The following ARHGAP5 variants were observed in gnomAD, a reference collection of about 807,000 sequenced individuals.
ARHGAP5 encodes the protein rho GTPase-activating protein 5.
In ARHGAP5, 23 loss-of-function variants were observed where a neutral mutation model predicts 116.6. The ratio of observed to expected loss-of-function variants is 0.20; its 90% confidence interval spans 0.14 to 0.28. ARHGAP5 has a LOEUF of 0.28. ARHGAP5 is among the 10% of genes least tolerant of loss of function. The pLI is 1.00. For missense variants in ARHGAP5, 1,405 were observed against 1,774.8 expected (o/e 0.79, Z 3.74); for synonymous variants, 574 against 602.0 (o/e 0.95, Z 0.68).
chr14:32,140,708 T>G lies in ARHGAP5; in HGVS notation c.3866-5555T>G, dbSNP rs147167291. 3.0e-4 allele frequency among the ~76,000 whole-genome samples: 45 copies of G among 152,376 alleles called. No homozygotes were observed. In the East Asian group the frequency reaches 7.7e-3, roughly 26 times the overall value. On this transcript the variant is annotated intron_variant, in intron 3 of 6. Coordinates refer to ENST00000345122, the MANE Select transcript of ARHGAP5 (RefSeq NM_001030055.2). ...ACATACTCTCTATTATTTCATGCCT[T>G]TAAAATTTATTTAAACTTGTTTTGT...
intron 3 of ARHGAP5, among the ~76,000 whole-genome samples, chr14:32,144,061 C>T (rs1480499911): frequency 2.0e-5 from 3 of 152,156 alleles, no homozygotes; most frequent in Non-Finnish European, 2.9e-5. Context: ...TGGAAAGTTC[C>T]TGCTATGACT....
Position 32,117,382 on chromosome 14 carries a change from T to C in ARHGAP5, c.3865+95T>C, listed in dbSNP as rs187053004. On this transcript the variant is annotated intron_variant, in intron 3 of 6. Coordinates refer to ENST00000345122, the MANE Select transcript of ARHGAP5 (RefSeq NM_001030055.2). ...AATGTTTGTGATTTGTTAATATAGTTCTCATTATTAGGATTATTTAGTATT... is the reference window on the plus strand; with the variant it reads ...AATGTTTGTGATTTGTTAATATAGTCCTCATTATTAGGATTATTTAGTATT... 256 of 1,170,790 alleles carry C rather than the reference T, an allele frequency of 2.2e-4. No homozygotes were observed. In the African/African-American group the frequency reaches 2.9e-3, roughly 13 times the overall value. 72.5% of individuals were successfully genotyped at this position (1,170,790 alleles called of 1,614,324 possible). A position where few individuals can be genotyped will look rare whatever the true frequency, so the allele number is the denominator to read the frequency against.
At chr14:32,137,690 G>A (rs532564779) in intron 3 of ARHGAP5, among the ~76,000 whole-genome samples, 13 of 151,958 alleles carry the variant, frequency 8.6e-5, no homozygotes, top group Non-Finnish European at 1.3e-4. Context: ...TTAGCCTTCC[G>A]GGCCAGGTGG....
At chr14:32,135,474 GCA>G (rs1190855382) in intron 3 of ARHGAP5, among the ~76,000 whole-genome samples, 3 of 152,208 alleles carry the variant, frequency 2.0e-5, no homozygotes, top group Non-Finnish European at 4.4e-5. Flanking sequence ...CCAGGCAAGA[GCA>G]CAGTGGCGTG....
intron 3 of ARHGAP5, among the ~76,000 whole-genome samples, chr14:32,130,977 A>G (rs1187601447): frequency 6.6e-6 from 1 of 152,170 alleles, no homozygotes; most frequent in Non-Finnish European, 1.5e-5. Flanking sequence ...GGCTGGTGGG[A>G]GGTGCTGAAC....
Position 32,092,273 on chromosome 14 carries a change from C to T in ARHGAP5, c.1604C>T (p.Ala535Val), listed in dbSNP as rs1878293789. The T allele has an allele frequency of 6.2e-7, 1 of 1,613,444 alleles. No individual in the cohort carries two copies. The highest frequency in any genetic ancestry group is 8.5e-7 in the Non-Finnish European group (1 of 1,179,742). Residue 535 changes from alanine to valine, a missense_variant, in exon 2 of 7, where the codon GCA becomes GTA. Ala to Val is a moderately conservative substitution (Grantham distance 64). Coordinates refer to ENST00000345122, the MANE Select transcript of ARHGAP5 (RefSeq NM_001030055.2). This position sits in a 1 kb window ranked among gnomAD's most constrained non-coding sequence, Gnocchi z 4.1. ...AGATATAAAGCTTTACAGAAACTTG[C>T]ACCTGATAGGGAATCCCTTCTACTT... is the stretch of plus-strand genomic sequence containing the variant. ...EPRYKALQKL[A>V]PDRESLLLKH... is the part of the protein sequence containing the mutation.
Position 32,092,861 on chromosome 14 carries a change from A to G in ARHGAP5, c.2192A>G (p.Asp731Gly), listed in dbSNP as rs1234037539. 6.2e-6 allele frequency: 10 copies of G among 1,613,950 alleles called. No individual in the cohort carries two copies. The highest frequency in any genetic ancestry group is 8.5e-6 in the Non-Finnish European group (10 of 1,179,950). ...AACAAGTTGCAATGTCCTTTTGTAG[A>G]TGTACCTGCTGGTACATATCCTCGT... The part of the protein sequence containing the change: ...LANKLQCPFV[D>G]VPAGTYPRKF... Residue 731 changes from aspartate (D) to glycine (G), a missense_variant, in exon 2 of 7, where the codon GAT becomes GGT. By Grantham distance (94) the Asp-to-Gly change is moderately conservative. Around this residue, in one of 6 missense-constraint regions of ARHGAP5, gnomAD observed 944 missense variants for 1,095.3 expected, o/e 0.86. Transcript: ENST00000345122. The surrounding 1 kb of genome is among the most constrained non-coding windows in gnomAD (Gnocchi z 4.1).
chr14:32,118,253 C>T (rs1003205996), intron 3 of ARHGAP5, among the ~76,000 whole-genome samples: 2 of 152,130 alleles, frequency 1.3e-5, no homozygotes, highest in African/African-American at 2.4e-5. Flanking sequence ...AATCCCAGCA[C>T]TTTGGGAGGC....
rs188549958 is a variant in ARHGAP5, at chr14:32,084,695, C to G, written c.-168-5807C>G. 3.3e-5 allele frequency among the ~76,000 whole-genome samples: 5 copies of G among 152,250 alleles called. No homozygotes were observed. The East Asian group carries it at 9.7e-4, about 29-fold the overall frequency. Reference sequence around the variant, plus strand: ...CTCTCTTCATTTGCCTGATTATATTCTTGTTTCAAGACTAATTCATAGGAA... The same window carrying G: ...CTCTCTTCATTTGCCTGATTATATTGTTGTTTCAAGACTAATTCATAGGAA... On this transcript the variant is annotated intron_variant, in intron 1 of 6. Coordinates refer to ENST00000345122, the MANE Select transcript of ARHGAP5 (RefSeq NM_001030055.2).
At chr14:32,153,488 T>C (rs187259921) in intron 6 of ARHGAP5, among the ~76,000 whole-genome samples, 1,824 of 145,140 alleles carry the variant, frequency 0.013, 34 homozygotes, top group African/African-American at 0.043. Context: ...TTTTTTTTTT[T>C]TTTGAGATGG....
intron 3 of ARHGAP5, among the ~76,000 whole-genome samples, chr14:32,121,626 T>G (rs893979415): frequency 6.6e-6 from 1 of 152,236 alleles, no homozygotes; most frequent in Non-Finnish European, 1.5e-5. Flanking sequence ...ATAATTCACT[T>G]TATACAATAC....
chr14:32,131,805 G>C (rs1233492055), intron 3 of ARHGAP5, among the ~76,000 whole-genome samples: 1 of 151,928 alleles, frequency 6.6e-6, no homozygotes, highest in Non-Finnish European at 1.5e-5. Flanking sequence ...TCATTATTCA[G>C]TTCCCACCTA....
At chr14:32,096,110 CGTGT>C (rs1878513213) in intron 2 of ARHGAP5, among the ~76,000 whole-genome samples, 1 of 149,988 alleles carries the variant, frequency 6.7e-6, no homozygotes, top group African/African-American at 2.4e-5. Flanking sequence ...TGCGTGCGCA[CGTGT>C]GTGTGTGTTT....
At chr14:32,150,328 G>A (rs1024201358) in intron 5 of ARHGAP5, among the ~76,000 whole-genome samples, 3 of 152,184 alleles carry the variant, frequency 2.0e-5, no homozygotes, top group African/African-American at 7.2e-5. Flanking sequence ...TAAGGGCATT[G>A]TAAGAAAATT....
chr14:32,077,544 T>C (rs1010439293), intron 1 of ARHGAP5, 109 bp downstream of exon 1: 39 of 604,732 alleles, frequency 6.4e-5, no homozygotes, highest in African/African-American at 5.4e-4. Context: ...TGTAACCAGT[T>C]GAAGGGGCTG....
rs770941331 is a variant in ARHGAP5, at chr14:32,146,345, G to A, written c.3943+5G>A. On this transcript the variant is annotated splice_donor_5th_base_variant and intron_variant, in intron 4 of 6. Coordinates refer to ENST00000345122, the MANE Select transcript of ARHGAP5 (RefSeq NM_001030055.2). Reference sequence around the variant, plus strand: ...TTCAAAAGCAGTTTGATCAAGGTAAGAAGATGATTATGTGAAATAAAAATT... The same window carrying A: ...TTCAAAAGCAGTTTGATCAAGGTAAAAAGATGATTATGTGAAATAAAAATT... 14 of 1,597,250 alleles carry A rather than the reference G, an allele frequency of 8.8e-6. No homozygotes were observed. The highest frequency in any genetic ancestry group is 1.2e-5 in the Non-Finnish European group (14 of 1,165,648).
At position 32,090,812 on chromosome 14, in the gene ARHGAP5, A is replaced by T; in HGVS notation, c.143A>T (p.Glu48Val). The change falls in exon 2 of 7, where the codon GAA (glutamate) becomes GTA (valine). Residue 48 changes from glutamate to valine, a missense_variant. Coordinates refer to ENST00000345122, the MANE Select transcript of ARHGAP5 (RefSeq NM_001030055.2). ...AGATTTGTACGCTCAAAAGCAGATG[A>T]ATATTATCCAGAGCATACTTCTGTG... ...CNRFVRSKADEYYPEHTSVLS... is the reference protein window; with the variant it reads ...CNRFVRSKADVYYPEHTSVLS... The T allele has an allele frequency of 6.2e-7, 1 of 1,613,636 alleles. No individual in the cohort carries two copies. The highest frequency in any genetic ancestry group is 8.5e-7 in the Non-Finnish European group (1 of 1,179,602).
intron 3 of ARHGAP5, among the ~76,000 whole-genome samples, chr14:32,139,287 G>T (rs903609093): frequency 6.6e-6 from 1 of 151,912 alleles, no homozygotes; most frequent in Non-Finnish European, 1.5e-5. Flanking sequence ...ATCAATTATT[G>T]TTAATACTTT....
intron 3 of ARHGAP5, among the ~76,000 whole-genome samples, chr14:32,130,894 G>T (rs116810971): frequency 0.017 from 2,523 of 152,262 alleles, 72 homozygotes; most frequent in African/African-American, 0.056. Context: ...AGAATAGTAT[G>T]ATTGAGCATT....
Sources: gnomAD v4.1 joint callset for allele counts (sites outside exome capture counted in the v4.1 genomes callset) on GRCh38, gnomAD v4.1.1 for gene constraint, gnomAD v4.1.1 regional missense constraint, Gnocchi (gnomAD v3.1) non-coding constraint, MANE v1.5 for transcripts, NCBI Gene and HGNC (gene_info 2026-07-23, HGNC 2026-07-21) for gene names.